The following RYR2 variants were observed in gnomAD, a reference collection of about 807,000 sequenced individuals.
RYR2 encodes the protein ryanodine receptor 2.
Under a neutral mutation model 601.1 loss-of-function variants are expected in RYR2, and 227 were observed. The ratio of observed to expected loss-of-function variants is 0.38; its 90% CI spans 0.34 to 0.42. The LOEUF (loss-of-function observed/expected upper bound fraction) is 0.42. Among genes scored for constraint, RYR2 ranks in the 10% least tolerant of loss-of-function variants. RYR2 has a pLI of 1.00. For synonymous variants in RYR2, 2,223 were observed against 2,175.1 expected (o/e 1.02, Z -0.61); for missense variants, 4,646 against 6,156.5 (o/e 0.75, Z 8.21).
At chr1:237,194,885 G>A (rs1272151109) in intron 1 of RYR2, among the ~76,000 whole-genome samples, 6 of 152,134 alleles carry the variant, frequency 3.9e-5, no homozygotes, top group Non-Finnish European at 7.3e-5. Context: ...CTAGAATTTT[G>A]CTTTCTGTAG....
Position 237,727,130 on chromosome 1 carries a change from T to A in RYR2, c.10769T>A (p.Leu3590Gln). ...TCTAAAAAGGCTGTATGGCATAAAC[T>A]ACTGTCCAAGCAGAGGAAAAGGGCT... ...QRSKKAVWHKLLSKQRKRAVV... is the reference protein window; with the variant it reads ...QRSKKAVWHKQLSKQRKRAVV... Residue 3590 changes from leucine (L) to glutamine (Q), a missense_variant, in exon 76 of 105, where the codon CTA becomes CAA. Coordinates refer to ENST00000366574, the MANE Select transcript of RYR2 (RefSeq NM_001035.3). 1 of 1,606,632 alleles carries A rather than the reference T, an allele frequency of 6.2e-7. No homozygotes were observed. The highest frequency in any genetic ancestry group is 8.5e-7 in the Non-Finnish European group (1 of 1,173,668).
intron 1 of RYR2, among the ~76,000 whole-genome samples, chr1:237,255,737 CTA>C (rs1558506255): frequency 4.6e-5 from 7 of 151,972 alleles, no homozygotes; most frequent in Admixed American, 6.6e-5. Flanking sequence ...TTGATCCTGA[CTA>C]TATCAGTTCT....
chr1:237,164,825 C>G (rs140115209), intron 1 of RYR2, among the ~76,000 whole-genome samples: 1 of 152,138 alleles, frequency 6.6e-6, no homozygotes, highest in Non-Finnish European at 1.5e-5. Context: ...TTTTTCTCCA[C>G]GTTTACTGGG....
intron 52 of RYR2, 79 bp downstream of exon 52, chr1:237,654,493 A>G (rs1360982616): frequency 2.9e-6 from 4 of 1,376,368 alleles, no homozygotes; most frequent in Non-Finnish European, 3.0e-6. Context: ...TAGTATTCCT[A>G]GTTGAATACT....
At chr1:237,672,494 C>T (rs1469167964) in intron 58 of RYR2, among the ~76,000 whole-genome samples, 1 of 152,040 alleles carries the variant, frequency 6.6e-6, no homozygotes, top group African/African-American at 2.4e-5. Flanking sequence ...ACATAATTGT[C>T]TATATGAGGT....
At chr1:237,175,223 A>T (rs928224422) in intron 1 of RYR2, among the ~76,000 whole-genome samples, 1 of 152,326 alleles carries the variant, frequency 6.6e-6, no homozygotes, top group South Asian at 2.1e-4. Flanking sequence ...GTCAATCTGG[A>T]TAGTGTCCCC....
chr1:237,265,267 T>C (rs938606956), intron 1 of RYR2, among the ~76,000 whole-genome samples: 1 of 152,128 alleles, frequency 6.6e-6, no homozygotes, highest in African/African-American at 2.4e-5. Context: ...GTTGGAGATA[T>C]TGGGCTGGTG....
intron 35 of RYR2, among the ~76,000 whole-genome samples, chr1:237,609,731 C>A (rs530330172): frequency 1.1e-3 from 161 of 152,130 alleles, no homozygotes; most frequent in Non-Finnish European, 1.8e-3. Context: ...AAATTGCTGC[C>A]CTTGATTCTG....
chr1:237,380,923 C>T (rs1701456721), intron 8 of RYR2, among the ~76,000 whole-genome samples: 1 of 151,902 alleles, frequency 6.6e-6, no homozygotes, highest in African/African-American at 2.4e-5. Flanking sequence ...ACTAAAAATA[C>T]AAAAATTAGC....
At chr1:237,445,282 T>C (rs1708231353) in intron 13 of RYR2, 119 bp from the exon 14 acceptor site, 5 of 1,266,312 alleles carry the variant, frequency 3.9e-6, no homozygotes, top group Non-Finnish European at 5.6e-6. Context: ...CACAGTCCCC[T>C]GTACCTGCCT....
intron 1 of RYR2, among the ~76,000 whole-genome samples, chr1:237,229,794 G>A (rs10495391): frequency 0.053 from 8,079 of 152,072 alleles, 544 homozygotes; most frequent in East Asian, 0.23. Flanking sequence ...GAAGTATATC[G>A]TGCCCTTACT....
intron 11 of RYR2, among the ~76,000 whole-genome samples, chr1:237,420,322 T>G (rs572426608): frequency 6.6e-6 from 1 of 152,322 alleles, no homozygotes; most frequent in African/African-American, 2.4e-5. Context: ...CTATTTTTTA[T>G]GTTGCAAATA....
chr1:237,522,564 C>G (rs1667195288), intron 24 of RYR2, among the ~76,000 whole-genome samples: 1 of 152,180 alleles, frequency 6.6e-6, no homozygotes, highest in South Asian at 2.1e-4. Flanking sequence ...ACATGGTTGC[C>G]TCTGTACTCC....
intron 1 of RYR2, among the ~76,000 whole-genome samples, chr1:237,108,048 C>T (rs1286641483): frequency 6.6e-6 from 1 of 152,224 alleles, no homozygotes; most frequent in African/African-American, 2.4e-5. Flanking sequence ...CCTGGTGGTG[C>T]TGGAAACCTC....
At position 237,648,596 on chromosome 1, in the gene RYR2, G is replaced by A. The variant is rs191850147; in HGVS notation, c.7495G>A (p.Ala2499Thr). The A allele has an allele frequency of 6.5e-5, 105 of 1,609,470 alleles. 1 individual carries two copies. Among genetic ancestry groups the A allele is most frequent in the Middle Eastern group, 1.7e-4 (1 of 6,050 alleles). Residue 2499 changes from alanine to threonine, a missense_variant, in exon 49 of 105, where the codon GCT (alanine) becomes ACT (threonine). Coordinates refer to ENST00000366574, the MANE Select transcript of RYR2 (RefSeq NM_001035.3). ...TGGCTTTCTGCCAGATCTCCGGGCG[G>A]CTGCTTCTTTAGATACGGTGAGATT... The part of the protein sequence containing the change: ...EVGFLPDLRA[A>T]ASLDTAALSA...
At chr1:237,103,867 C>A (rs1668389130) in intron 1 of RYR2, among the ~76,000 whole-genome samples, 1 of 152,250 alleles carries the variant, frequency 6.6e-6, no homozygotes, top group East Asian at 1.9e-4. Flanking sequence ...CCGCGGCCAG[C>A]CCCTGTCAAT....
chr1:237,591,874 T>C, intron 32 of RYR2, 21 bp downstream of exon 32: 1 of 1,570,338 alleles, frequency 6.4e-7, no homozygotes, highest in Non-Finnish European at 8.7e-7. Context: ...GCAGCTTTTG[T>C]CGTTTATTTC....
At chr1:237,809,262 G>A (rs926398234) in intron 100 of RYR2, among the ~76,000 whole-genome samples, 4 of 152,188 alleles carry the variant, frequency 2.6e-5, no homozygotes, top group Admixed American at 2.0e-4. Context: ...TAGAATTGCT[G>A]AGTAATGTAC....
At chr1:237,755,541 G>T (rs146474156) in intron 80 of RYR2, among the ~76,000 whole-genome samples, 1 of 152,274 alleles carries the variant, frequency 6.6e-6, no homozygotes, top group African/African-American at 2.4e-5. Flanking sequence ...GAACTGGATT[G>T]CTCAAGTGAA....
Sources: allele counts gnomAD v4.1 joint callset (sites outside exome capture counted in the v4.1 genomes callset), GRCh38; gene constraint gnomAD v4.1.1; transcripts MANE v1.5; gene names NCBI Gene and HGNC (gene_info 2026-07-23, HGNC 2026-07-21).